Variants in SLC24A3 observed in about 807,000 individuals in gnomAD.
The protein encoded by SLC24A3 is sodium/potassium/calcium exchanger 3.
A neutral mutation model predicts 75.8 loss-of-function variants in SLC24A3; 28 were observed. The ratio of observed to expected loss-of-function variants is 0.37; its 90% CI spans 0.27 to 0.51. The LOEUF is 0.51. Among genes scored for constraint, SLC24A3 ranks in the 20% least tolerant of loss-of-function variants. SLC24A3 has a pLI of 0.94. For synonymous variants in SLC24A3, 372 were observed against 334.1 expected, an observed-to-expected ratio of 1.11 and a Z score of -1.24; for missense variants, 663 against 847.8, an observed-to-expected ratio of 0.78 and a Z score of 2.71.
At chr20:19,677,675 CTT>C (rs1023611195) in intron 9 of SLC24A3, among the ~76,000 whole-genome samples, 2 of 95,606 alleles carry the variant, frequency 2.1e-5, no homozygotes, top group Admixed American at 1.0e-4. Context: ...TTTTAGGATT[CTT>C]TTTTTTTTCT....
intron 13 of SLC24A3, chr20:19,694,306 A>G (rs2032779988): frequency 6.6e-6 from 1 of 152,218 alleles, no homozygotes; most frequent in Non-Finnish European, 1.5e-5. Context: ...AATCCAAATT[A>G]ATCTTGCCTT....
At chr20:19,672,687 C>T (rs1368238163) in intron 8 of SLC24A3, among the ~76,000 whole-genome samples, 1 of 152,162 alleles carries the variant, frequency 6.6e-6, no homozygotes, top group Admixed American at 6.5e-5. Context: ...TTTATGTACC[C>T]AGTGCCCTAT....
chr20:19,658,696 G>A (rs1478194817), intron 7 of SLC24A3, among the ~76,000 whole-genome samples: 2 of 152,206 alleles, frequency 1.3e-5, no homozygotes, highest in South Asian at 2.1e-4. Flanking sequence ...TGAAAGCGTT[G>A]AGAAGGCTCC....
intron 2 of SLC24A3, among the ~76,000 whole-genome samples, chr20:19,347,557 A>G (rs1443462655): frequency 6.6e-6 from 1 of 152,244 alleles, no homozygotes; most frequent in Non-Finnish European, 1.5e-5. Context: ...AGGTCTATTG[A>G]CAAATGACAA....
intron 2 of SLC24A3, among the ~76,000 whole-genome samples, chr20:19,347,023 G>T (rs1469198676): frequency 7.2e-5 from 11 of 152,106 alleles, no homozygotes; most frequent in Admixed American, 7.2e-4. Context: ...ACAATGGAAT[G>T]TTATTCAGTG....
chr20:19,217,822 T>C (rs1039745818), intron 1 of SLC24A3, among the ~76,000 whole-genome samples: 19 of 152,228 alleles, frequency 1.2e-4, no homozygotes, highest in African/African-American at 4.3e-4. Context: ...CTGTCTGGAC[T>C]GCTTTGTCCA....
intron 1 of SLC24A3, among the ~76,000 whole-genome samples, chr20:19,270,822 G>C (rs1236928935): frequency 6.6e-6 from 1 of 152,094 alleles, no homozygotes; most frequent in East Asian, 1.9e-4. Flanking sequence ...GAGAGAGAGA[G>C]AGATACTAGA....
intron 1 of SLC24A3, among the ~76,000 whole-genome samples, chr20:19,230,625 T>TG (rs1457018906): frequency 1.1e-5 from 1 of 92,162 alleles, no homozygotes; most frequent in African/African-American, 3.4e-5. Flanking sequence ...GACATATTGA[T>TG]GGGGGGGAAT....
intron 3 of SLC24A3, among the ~76,000 whole-genome samples, chr20:19,543,473 A>G (rs1568650894): frequency 6.6e-6 from 1 of 152,214 alleles, no homozygotes; most frequent in South Asian, 2.1e-4. Context: ...CTGATATCCT[A>G]TAATGTGCCA....
At chr20:19,514,748 C>G (rs2029950447) in intron 2 of SLC24A3, among the ~76,000 whole-genome samples, 1 of 152,170 alleles carries the variant, frequency 6.6e-6, no homozygotes, top group Non-Finnish European at 1.5e-5. Context: ...TTCACAGACT[C>G]CAGCTTTCAT....
At chr20:19,340,741 C>T (rs1020375903) in intron 2 of SLC24A3, among the ~76,000 whole-genome samples, 1 of 152,292 alleles carries the variant, frequency 6.6e-6, no homozygotes, top group South Asian at 2.1e-4. Context: ...ACATGATGAG[C>T]TCAGATTTCT....
chr20:19,488,721 C>T (rs985040018), intron 2 of SLC24A3, among the ~76,000 whole-genome samples: 11 of 152,048 alleles, frequency 7.2e-5, no homozygotes, highest in South Asian at 2.1e-4. Context: ...TTTGCATATA[C>T]GTAATGAGAT....
intron 2 of SLC24A3, among the ~76,000 whole-genome samples, chr20:19,466,536 G>A (rs1463122072): frequency 1.3e-5 from 2 of 152,190 alleles, no homozygotes; most frequent in East Asian, 3.8e-4. Context: ...ATACTTCCCT[G>A]AAAAGGTAAT....
chr20:19,522,395 A>C (rs6075523), intron 3 of SLC24A3, among the ~76,000 whole-genome samples: 20,890 of 152,240 alleles, frequency 0.14, 1,569 homozygotes, highest in East Asian at 0.18. Flanking sequence ...AAACAAGGGA[A>C]GGATGAGATG....
rs200891469 is a variant in SLC24A3, at chr20:19,684,282, C to T, written c.1008C>T (p.Ser336=). The change falls in exon 11 of 17, where the codon AGC becomes AGT. Residue 336 remains serine (S), a synonymous_variant. Transcript: ENST00000328041. ...SEAGLRIMIT[S]HFPPKTRLSM... ...CTGGCCTTCGAATCATGATAACCAG[C>T]CACTTTCCCCCCAAGACCCGGCTCT... 88 of 1,614,124 alleles carry T rather than the reference C, an allele frequency of 5.5e-5. No individual in the cohort carries two copies. Among genetic ancestry groups the T allele is most frequent in the Non-Finnish European group, 1.7e-6 (2 of 1,180,004 alleles).
intron 8 of SLC24A3, among the ~76,000 whole-genome samples, chr20:19,670,722 T>A (rs1301376616): frequency 3.9e-5 from 6 of 152,228 alleles, no homozygotes; most frequent in African/African-American, 1.2e-4. Context: ...CACCATGAAG[T>A]GTATGCTACG....
At chr20:19,690,748 AG>A (rs150325416) in intron 12 of SLC24A3, among the ~76,000 whole-genome samples, 3,764 of 152,336 alleles carry the variant, frequency 0.025, 63 homozygotes, top group South Asian at 0.068. Flanking sequence ...ACTCTCAGCC[AG>A]GCTTCTTGAT....
intron 6 of SLC24A3, among the ~76,000 whole-genome samples, chr20:19,642,365 A>G (rs1250517398): frequency 1.3e-5 from 2 of 152,234 alleles, no homozygotes; most frequent in African/African-American, 4.8e-5. Context: ...ATTCTTACAC[A>G]TTGCTGAGCA....
At chr20:19,401,697 T>G (rs1235882558) in intron 2 of SLC24A3, among the ~76,000 whole-genome samples, 2 of 152,208 alleles carry the variant, frequency 1.3e-5, no homozygotes, top group Non-Finnish European at 2.9e-5. Context: ...AAGGGCTTTC[T>G]TTGACTCACA....
Sources: gnomAD v4.1 joint callset for allele counts (sites outside exome capture counted in the v4.1 genomes callset) on GRCh38, gnomAD v4.1.1 for gene constraint, MANE v1.5 for transcripts, NCBI Gene and HGNC (gene_info 2026-07-23, HGNC 2026-07-21) for gene names.